CDH23: variants seen among roughly 807,000 people sequenced by gnomAD.
CDH23 encodes cadherin related 23.
A neutral mutation model predicts 317.1 loss-of-function variants in CDH23; 189 were observed. The ratio of observed to expected loss-of-function variants is 0.60; its 90% CI spans 0.53 to 0.67. The LOEUF is 0.67. Among genes scored for constraint, CDH23 ranks in the 30% least tolerant of loss-of-function variants. The pLI is 0.00. For missense variants in CDH23, 4,401 were observed against 4,592.4 expected (o/e 0.96, Z 1.20); for synonymous variants, 1,839 against 1,876.8 (o/e 0.98, Z 0.52).
rs754817937 is a variant in CDH23 at position 71,811,960 on chromosome 10, C to T, written c.9325C>T (p.Arg3109Cys). 8.2e-6 allele frequency: 13 copies of T among 1,587,092 alleles called. No individual in the cohort carries two copies. The East Asian group carries it at 1.2e-4, about 14-fold the overall frequency. The stretch of plus-strand genomic sequence containing the variant: ...CCCAACCCTTCTCCCTGCAGGGAAT[C>T]GTGGCTTCATCGACATCATGGACAT... Reference protein sequence around the residue: ...KAIVAGSAGNRGFIDIMDMPN... With the variant: ...KAIVAGSAGNCGFIDIMDMPN... The change falls in exon 66 of 70, where the codon CGT becomes TGT. Residue 3109 changes from arginine (R) to cysteine (C), a missense_variant. By Grantham distance (180) the Arg-to-Cys change is radical. Coordinates refer to ENST00000224721, the MANE Select transcript of CDH23 (RefSeq NM_022124.6).
At chr10:71,681,037 A>G (rs998079647) in intron 17 of CDH23, among the ~76,000 whole-genome samples, 3 of 151,536 alleles carry the variant, frequency 2.0e-5, no homozygotes, top group African/African-American at 7.3e-5. Flanking sequence ...AATGTTGGCC[A>G]GGCTGGTCTT....
chr10:71,765,067 G>A (rs1284284456), intron 38 of CDH23, among the ~76,000 whole-genome samples: 4 of 152,210 alleles, frequency 2.6e-5, no homozygotes, highest in Non-Finnish European at 5.9e-5. Context: ...CAGAAGTGAG[G>A]AGGACCTAGG....
At chr10:71,745,118 C>T (rs573074145) in intron 38 of CDH23, among the ~76,000 whole-genome samples, 1 of 152,314 alleles carries the variant, frequency 6.6e-6, no homozygotes, top group African/African-American at 2.4e-5. Context: ...CCTGAATGGC[C>T]ACTATGTGCC....
intron 7 of CDH23, among the ~76,000 whole-genome samples, chr10:71,568,088 A>G (rs1283233828): frequency 1.3e-5 from 2 of 152,188 alleles, no homozygotes; most frequent in East Asian, 3.9e-4. Context: ...ATGCAGAGAG[A>G]GGCCTCAAGA....
intron 3 of CDH23, among the ~76,000 whole-genome samples, chr10:71,482,518 G>A (rs1852122099): frequency 6.6e-6 from 1 of 152,372 alleles, no homozygotes; most frequent in South Asian, 2.1e-4. Flanking sequence ...GGACACCTGA[G>A]GTTGGGGGGA....
intron 9 of CDH23, among the ~76,000 whole-genome samples, chr10:71,594,533 C>T (rs1482346395): frequency 2.6e-5 from 4 of 152,190 alleles, no homozygotes; most frequent in Non-Finnish European, 5.9e-5. Context: ...ACCACCACAC[C>T]TGGCTAATTT....
intron 38 of CDH23, among the ~76,000 whole-genome samples, chr10:71,742,364 T>C (rs993644226): frequency 2.0e-5 from 3 of 152,186 alleles, no homozygotes; most frequent in Non-Finnish European, 4.4e-5. Context: ...CTACATTGTG[T>C]GGTGTGGCAT....
At chr10:71,674,150 T>A (rs1454589437) in intron 14 of CDH23, among the ~76,000 whole-genome samples, 2 of 152,232 alleles carry the variant, frequency 1.3e-5, no homozygotes, top group Non-Finnish European at 2.9e-5. Flanking sequence ...CTTAATCCTT[T>A]GGGTATAAAC....
At chr10:71,611,638 A>G (rs1860900950) in intron 9 of CDH23, among the ~76,000 whole-genome samples, 1 of 152,198 alleles carries the variant, frequency 6.6e-6, no homozygotes, top group Non-Finnish European at 1.5e-5. Flanking sequence ...AGGCCCACAT[A>G]TAAGTCACTT....
At chr10:71,591,991 C>G (rs1304638385) in intron 9 of CDH23, among the ~76,000 whole-genome samples, 1 of 151,976 alleles carries the variant, frequency 6.6e-6, no homozygotes, top group African/African-American at 2.4e-5. Context: ...GAGGGAGGAC[C>G]AAGAAACATT....
intron 18 of CDH23, among the ~76,000 whole-genome samples, chr10:71,684,665 T>C (rs1340186471): frequency 6.6e-6 from 1 of 152,214 alleles, no homozygotes; most frequent in Non-Finnish European, 1.5e-5. Flanking sequence ...TGGAATGTCT[T>C]ATCGCTGTAA....
intron 26 of CDH23, 21 bp from the exon 27 acceptor site, chr10:71,709,077 C>T: frequency 6.2e-7 from 1 of 1,610,316 alleles, no homozygotes; most frequent in South Asian, 1.1e-5. Context: ...CAGCCGGAAG[C>T]TTCCTCTCCT....
At chr10:71,525,825 G>C (rs1048036112) in intron 6 of CDH23, among the ~76,000 whole-genome samples, 1 of 106,602 alleles carries the variant, frequency 9.4e-6, no homozygotes, top group Non-Finnish European at 1.9e-5. Context: ...TCCCTGCTTG[G>C]CTTGCTACAG....
rs1862917551 is a variant in CDH23 at position 71,646,872 on chromosome 10, C to A, written c.1449+255C>A. 1.1e-5 allele frequency: 16 copies of A among 1,438,504 alleles called. No individual in the cohort carries two copies. In the South Asian group the frequency reaches 2.4e-4, roughly 21 times the overall value. The allele number at this position is 1,438,504 out of a possible 1,614,324, so 89.1% of individuals were successfully genotyped here. On this transcript the variant is annotated intron_variant, in intron 14 of 69. Transcript: ENST00000224721. ...TGAGCTGAGGACACTGGTTTTCTGC[C>A]TTTCCCCGAGAGAGACTCAGTGAGG...
At chr10:71,630,053 ACT>A (rs1396408341) in intron 11 of CDH23, among the ~76,000 whole-genome samples, 2 of 152,016 alleles carry the variant, frequency 1.3e-5, no homozygotes, top group African/African-American at 4.8e-5. Flanking sequence ...ACAACGTATC[ACT>A]CTGTCACTCA....
At chr10:71,590,873 TA>T (rs71018215) in intron 9 of CDH23, among the ~76,000 whole-genome samples, 22 of 72,316 alleles carry the variant, frequency 3.0e-4, no homozygotes, top group South Asian at 7.9e-4. Flanking sequence ...ACCCTGTCTC[TA>T]AAAAAAAAAA....
chr10:71,630,860 G>A (rs1047687740), intron 11 of CDH23, among the ~76,000 whole-genome samples: 1 of 152,178 alleles, frequency 6.6e-6, no homozygotes, highest in African/African-American at 2.4e-5. Flanking sequence ...CCAACCATTG[G>A]CTCTCAGGAG....
At chr10:71,753,179 T>C (rs1840050104) in intron 38 of CDH23, among the ~76,000 whole-genome samples, 2 of 152,302 alleles carry the variant, frequency 1.3e-5, no homozygotes, top group South Asian at 4.1e-4. Flanking sequence ...TCTGCGTGTC[T>C]GTCCAGCAGA....
At position 71,695,629 on chromosome 10, in the gene CDH23, T is replaced by C. The variant is rs1010879945; in HGVS notation, c.2397+104T>C. 3.5e-5 allele frequency: 26 copies of C among 746,636 alleles called. No homozygotes were observed. The African/African-American group carries it at 4.1e-4, about 12-fold the overall frequency. 46.3% of individuals were successfully genotyped at this position (746,636 alleles called of 1,614,324 possible). A position where few individuals can be genotyped will look rare whatever the true frequency, so the allele number is the denominator to read the frequency against. On this transcript the variant is annotated intron_variant, in intron 22 of 69. Coordinates refer to ENST00000224721, the MANE Select transcript of CDH23 (RefSeq NM_022124.6). ...GCCTTCCCCTATGGGGCTGGTGGAC[T>C]CTGTGTCCCTCTGAGCTGGCTCTTG...
Sources: gnomAD v4.1 joint callset for allele counts (sites outside exome capture counted in the v4.1 genomes callset) on GRCh38, gnomAD v4.1.1 for gene constraint, MANE v1.5 for transcripts, NCBI Gene and HGNC (gene_info 2026-07-23, HGNC 2026-07-21) for gene names.